The following CFAP20DC variants were observed in gnomAD, a reference collection of about 807,000 sequenced individuals.
The protein encoded by CFAP20DC is CFAP20 domain containing.
CFAP20DC carries 84 observed loss-of-function variants against 101.7 expected under a neutral mutation model. That is an observed-to-expected ratio of 0.83 (90% CI 0.69 to 0.99). The LOEUF (loss-of-function observed/expected upper bound fraction) is 0.99, where lower values mean the gene tolerates loss of function less well. Ranked by LOEUF, CFAP20DC falls within the 50% of genes least tolerant of loss-of-function variation. The pLI, the probability that CFAP20DC is intolerant of heterozygous loss-of-function variation, is 0.00. For synonymous variants in CFAP20DC, 359 were observed against 351.2 expected, an observed-to-expected ratio of 1.02 and a Z score of -0.25; for missense variants, 1,007 against 970.3, an observed-to-expected ratio of 1.04 and a Z score of -0.50.
chr3:58,758,792 G>T (rs1003301728), intron 15 of CFAP20DC, among the ~76,000 whole-genome samples: 11 of 152,002 alleles, frequency 7.2e-5, no homozygotes, highest in African/African-American at 2.4e-4. Context: ...GCGGTGTTTG[G>T]TTTTTTGACC....
At chr3:58,978,716 C>CAAA (rs201916298) in intron 4 of CFAP20DC, among the ~76,000 whole-genome samples, 8 of 66,548 alleles carry the variant, frequency 1.2e-4, no homozygotes, top group African/African-American at 3.7e-4. Context: ...TCCCTGTCTG[C>CAAA]AAAAAAAAAA....
chr3:58,770,355 G>A (rs1280229251), intron 15 of CFAP20DC, among the ~76,000 whole-genome samples: 1 of 152,138 alleles, frequency 6.6e-6, no homozygotes, highest in Non-Finnish European at 1.5e-5. Flanking sequence ...ACTTTATGCG[G>A]GGTACTGAGG....
intron 4 of CFAP20DC, among the ~76,000 whole-genome samples, chr3:58,955,049 T>G (rs2090498096): frequency 6.6e-6 from 1 of 151,744 alleles, no homozygotes; most frequent in Admixed American, 6.6e-5. Context: ...ATTTACCATA[T>G]TTTGTGTAAA....
intron 12 of CFAP20DC, among the ~76,000 whole-genome samples, chr3:58,851,866 G>C (rs1448881028): frequency 1.3e-5 from 2 of 152,156 alleles, no homozygotes; most frequent in African/African-American, 4.8e-5. Context: ...TTGCAAATTT[G>C]AACTTTTTGA....
At chr3:58,841,548 A>G (rs762704636) in intron 13 of CFAP20DC, among the ~76,000 whole-genome samples, 1 of 152,238 alleles carries the variant, frequency 6.6e-6, no homozygotes, top group Admixed American at 6.5e-5. Context: ...CAGAAACAAA[A>G]CTAATTCTTT....
chr3:58,821,324 C>T (rs1156262017), intron 14 of CFAP20DC, among the ~76,000 whole-genome samples: 3 of 151,976 alleles, frequency 2.0e-5, no homozygotes, highest in Non-Finnish European at 2.9e-5. Flanking sequence ...AGCTTCTGCA[C>T]AGCAAAAGAA....
chr3:58,750,835 AGTT>A (rs1220894220), intron 16 of CFAP20DC, among the ~76,000 whole-genome samples: 1 of 152,234 alleles, frequency 6.6e-6, no homozygotes, highest in East Asian at 1.9e-4. Flanking sequence ...TTGAAAGAAA[AGTT>A]GTTACTGCTT....
chr3:58,994,177 T>C (rs1430958456), intron 4 of CFAP20DC, among the ~76,000 whole-genome samples: 3 of 152,296 alleles, frequency 2.0e-5, no homozygotes, highest in Non-Finnish European at 4.4e-5. Context: ...AAAAGAAACA[T>C]ACATGCACAC....
chr3:58,972,621 C>T (rs963102367), intron 4 of CFAP20DC, among the ~76,000 whole-genome samples: 3 of 152,130 alleles, frequency 2.0e-5, no homozygotes, highest in Non-Finnish European at 4.4e-5. Flanking sequence ...GGAAGCTTAT[C>T]AATGTAAACA....
chr3:58,806,439 G>C lies in CFAP20DC; in HGVS notation c.2193C>G (p.Arg731=), dbSNP rs756237848. 6.2e-7 allele frequency: 1 copy of C among 1,612,380 alleles called. No individual in the cohort carries two copies. The highest frequency in any genetic ancestry group is 1.1e-5 in the South Asian group (1 of 91,030). Residue 731 remains arginine (R), a synonymous_variant, in exon 15 of 17, where the codon CGC becomes CGG. Coordinates refer to ENST00000482387, the MANE Select transcript of CFAP20DC (RefSeq NM_001394063.1). ...SCLPPPVNQG[R]HYQKEMNPPS... is the part of the protein sequence containing the mutation. ...GTGGGTTCATTTCTTTCTGATAGTG[G>C]CGACCCTGGTTGACAGGCTGGAAAA...
chr3:58,938,577 ACTG>A, intron 4 of CFAP20DC, among the ~76,000 whole-genome samples: 1 of 152,196 alleles, frequency 6.6e-6, no homozygotes, highest in East Asian at 1.9e-4. Context: ...GACACATTAC[ACTG>A]CTAATTTTCT....
rs915123041 is a variant in CFAP20DC at position 59,014,224 on chromosome 3, A to G, written c.278+25333T>C. 5.3e-5 allele frequency among the ~76,000 whole-genome samples: 8 copies of G among 152,190 alleles called. No homozygotes were observed. Among genetic ancestry groups the G allele is most frequent in the African/African-American group, 1.7e-4 (7 of 41,458 alleles). ...GTTCACTGACCAGATCAATCACATA[A>G]CAAAATGGGAAAAAAAGATCGACCT... On this transcript the variant is annotated intron_variant, in intron 4 of 16. Transcript: ENST00000482387. This position sits in a 1 kb window ranked among gnomAD's most constrained non-coding sequence, Gnocchi z 4.9.
At chr3:58,838,567 T>G (rs1322833325) in intron 13 of CFAP20DC, among the ~76,000 whole-genome samples, 2 of 152,190 alleles carry the variant, frequency 1.3e-5, no homozygotes, top group Non-Finnish European at 2.9e-5. Flanking sequence ...CTCTCTTTTT[T>G]GGGGAGGAGC....
chr3:58,835,347 G>C (rs1280895197), intron 13 of CFAP20DC, among the ~76,000 whole-genome samples: 5 of 152,150 alleles, frequency 3.3e-5, no homozygotes, highest in African/African-American at 1.2e-4. Flanking sequence ...GTCTAAGGTG[G>C]CATTTGAGAG....
chr3:58,974,884 T>C (rs1266581915), intron 4 of CFAP20DC, among the ~76,000 whole-genome samples: 1 of 152,152 alleles, frequency 6.6e-6, no homozygotes, highest in Non-Finnish European at 1.5e-5. Flanking sequence ...GCAGTTCTCC[T>C]GTCCAGCCCA....
intron 5 of CFAP20DC, among the ~76,000 whole-genome samples, chr3:58,920,436 C>G (rs2085239345): frequency 6.6e-6 from 1 of 152,160 alleles, no homozygotes; most frequent in South Asian, 2.1e-4. Context: ...AGGGAGTAAG[C>G]AGTCAATATT....
chr3:58,812,598 T>A (rs1322314092), intron 14 of CFAP20DC, among the ~76,000 whole-genome samples: 2 of 151,660 alleles, frequency 1.3e-5, no homozygotes, highest in African/African-American at 4.9e-5. Flanking sequence ...GAGATATAAC[T>A]AATGCTAAAT....
chr3:59,031,778 A>T lies in CFAP20DC; in HGVS notation c.278+7779T>A, dbSNP rs188041611. 1.6e-3 allele frequency among the ~76,000 whole-genome samples: 251 copies of T among 152,348 alleles called. 2 individuals carry two copies. The highest frequency in any genetic ancestry group is 1.4e-3 in the Non-Finnish European group (93 of 68,026). ...AATCATTAATATCTAAATTCATATA[A>T]ATTAAAAGAAATGAATATTTCTCAA... On this transcript the variant is annotated intron_variant, in intron 4 of 16. Transcript: ENST00000482387.
chr3:59,048,892 C>T (rs1392740488), intron 1 of CFAP20DC, among the ~76,000 whole-genome samples: 1 of 152,062 alleles, frequency 6.6e-6, no homozygotes, highest in African/African-American at 2.4e-5. Context: ...GAAAGCAGGT[C>T]GAGACACTCT....
Sources: allele counts gnomAD v4.1 joint callset (sites outside exome capture counted in the v4.1 genomes callset), GRCh38; gene constraint gnomAD v4.1.1; non-coding constraint Gnocchi (gnomAD v3.1); transcripts MANE v1.5; gene names NCBI Gene and HGNC (gene_info 2026-07-23, HGNC 2026-07-21).